Variants in BAIAP3 observed in about 807,000 individuals in gnomAD.
BAIAP3 encodes BAI1 associated protein 3.
BAIAP3 carries 180 observed loss-of-function variants against 149.7 expected under a neutral mutation model. The ratio of observed to expected loss-of-function variants is 1.20; its 90% CI spans 1.07 to 1.36. The LOEUF (loss-of-function observed/expected upper bound fraction) is 1.36. Among genes scored for constraint, BAIAP3 ranks in the 40% most tolerant of loss-of-function variants. The pLI, the probability that BAIAP3 is intolerant of heterozygous loss-of-function variation, is 0.00. For synonymous variants in BAIAP3, 845 were observed against 670.7 expected (o/e 1.26, Z -4.02); for missense variants, 1,767 against 1,563.4 (o/e 1.13, Z -2.20).
In BAIAP3 at chr16:1,346,656, G is replaced by T; in HGVS notation, c.2614G>T (p.Ala872Ser). 1.4e-6 allele frequency: 2 copies of T among 1,394,450 alleles called. No homozygotes were observed. The highest frequency in any genetic ancestry group is 1.9e-6 in the Non-Finnish European group (2 of 1,053,990). 86.4% of individuals were successfully genotyped at this position (1,394,450 alleles called of 1,614,324 possible). The change falls in exon 27 of 34, where the codon GCC becomes TCC. Residue 872 changes from alanine to serine, a missense_variant. Ala to Ser is a moderately conservative substitution (Grantham distance 99). Coordinates refer to ENST00000426824, the MANE Select transcript of BAIAP3 (RefSeq NM_001199097.2). ...GGATGAGAAGCTGGCCCTGCTGAAC[G>T]CCTCGCTGGTGAAGGGGAACCTGAG... ...YLDEKLALLN[A>S]SLVKGNLSRV... is the part of the protein sequence containing the mutation.
intron 1 of BAIAP3, among the ~76,000 whole-genome samples, chr16:1,336,865 C>T (rs543716267): frequency 1.5e-4 from 23 of 152,308 alleles, no homozygotes; most frequent in Middle Eastern, 3.4e-3. Context: ...AGGCACCCTC[C>T]GCAGGTGGAT....
chr16:1,347,986 C>G lies in BAIAP3; in HGVS notation c.3118C>G (p.Leu1040Val). The G allele has an allele frequency of 6.2e-7, 1 of 1,611,210 alleles. No homozygotes were observed. Among genetic ancestry groups the G allele is most frequent in the South Asian group, 1.1e-5 (1 of 91,084 alleles). Residue 1040 changes from leucine to valine, a missense_variant, in exon 32 of 34, where the codon CTG becomes GTG. Leu to Val is a conservative substitution (Grantham distance 32, BLOSUM62 1). Coordinates refer to ENST00000426824, the MANE Select transcript of BAIAP3 (RefSeq NM_001199097.2). ...SQRTQVKTRT[L>V]HPVYDELFYF... ...GAGGACCCAGGTGAAGACCCGGACGCTGCACCCTGTATACGACGAACTCTT... is the reference window on the plus strand; with the variant it reads ...GAGGACCCAGGTGAAGACCCGGACGGTGCACCCTGTATACGACGAACTCTT...
intron 15 of BAIAP3, among the ~76,000 whole-genome samples, chr16:1,343,796 C>T (rs2034102670): frequency 6.6e-6 from 1 of 152,196 alleles, no homozygotes; most frequent in African/African-American, 2.4e-5. Context: ...GCAGGACGGA[C>T]GTGGGAACTG....
At position 1,344,308 on chromosome 16, in the gene BAIAP3, G is replaced by A. The variant is rs147160110; in HGVS notation, c.1593G>A (p.Ala531=). 28 of 1,613,716 alleles carry A rather than the reference G, an allele frequency of 1.7e-5. No individual in the cohort carries two copies. The African/African-American group carries it at 2.0e-4, about 12-fold the overall frequency. The change falls in exon 17 of 34, where the codon GCG becomes GCA. Residue 531 remains alanine (A), a synonymous_variant. Transcript: ENST00000426824. ...FESELNMDIA[A]ALKRGNREWY... Reference sequence around the variant, plus strand: ...CGGAGCTGAACATGGACATTGCTGCGGCCCTGAAGGTGTGTTCCAAAGCCC... The same window carrying A: ...CGGAGCTGAACATGGACATTGCTGCAGCCCTGAAGGTGTGTTCCAAAGCCC...
rs780056386 is a variant in BAIAP3 at position 1,335,284 on chromosome 16, G to T, written c.-11+1535G>T. Among the ~76,000 whole-genome samples, 47 of 152,364 alleles carry T rather than the reference G, an allele frequency of 3.1e-4. 1 individual carries two copies. The highest frequency in any genetic ancestry group is 1.8e-3 in the Admixed American group (27 of 15,302). On this transcript the variant is annotated intron_variant, in intron 1 of 33. Transcript: ENST00000426824. ...TGGGCAGGTGTGGCTCAGCCCCAGT[G>T]CCACAAGGCAGGAGCTCCTTGGCGG...
chr16:1,346,805 G>A, intron 27 of BAIAP3, 42 bp from the exon 28 acceptor site: 2 of 378,200 alleles, frequency 5.3e-6, no homozygotes, highest in Non-Finnish European at 7.9e-6. Context: ...GGGCCAGCGG[G>A]GCAGGTGGGG....
intron 14 of BAIAP3, 154 bp from the exon 15 acceptor site, chr16:1,343,239 C>T (rs2034056558): frequency 1.6e-6 from 2 of 1,246,722 alleles, no homozygotes; most frequent in Non-Finnish European, 1.1e-6. Context: ...GGTACGGCAG[C>T]GCTAATTGGA....
chr16:1,339,185 C>T lies in BAIAP3; in HGVS notation c.241C>T (p.Pro81Ser). The change falls in exon 4 of 34, where the codon CCA becomes TCA. Residue 81 changes from proline to serine, a missense_variant. Coordinates refer to ENST00000426824, the MANE Select transcript of BAIAP3 (RefSeq NM_001199097.2). The stretch of plus-strand genomic sequence containing the variant: ...ACAGGTCCCCCTGCGCAGTGGCTCG[C>T]CAGCACCCCCGGAGCCTGTGGATCC... ...CLEVPLRSGS[P>S]APPEPVDPSL... is the part of the protein sequence containing the mutation. The T allele has an allele frequency of 6.4e-7, 1 of 1,564,714 alleles. No homozygotes were observed. The highest frequency in any genetic ancestry group is 8.6e-7 in the Non-Finnish European group (1 of 1,156,746).
rs185060782 is a variant in BAIAP3, at chr16:1,333,749, G to A, written c.-11G>A. 0.022 allele frequency: 3,393 copies of A among 151,990 alleles called. 44 individuals carry two copies. Among genetic ancestry groups the A allele is most frequent in the Middle Eastern group, 0.045 (13 of 292 alleles). The allele number at this position is 151,990 out of a possible 1,614,324, so 9.4% of individuals were successfully genotyped here. A position where few individuals can be genotyped will look rare whatever the true frequency, so the allele number is the denominator to read the frequency against. On this transcript the variant is annotated splice_region_variant and 5_prime_UTR_variant, in exon 1 of 34. Transcript: ENST00000426824. ...CCCCCCCATCCCCGCGCCGGCCCACGGTAAGTGCCGCGGGCTGCGGCCAGT... is the reference window on the plus strand; with the variant it reads ...CCCCCCCATCCCCGCGCCGGCCCACAGTAAGTGCCGCGGGCTGCGGCCAGT...
At position 1,337,475 on chromosome 16, in the gene BAIAP3, G is replaced by A. The variant is rs528227006; in HGVS notation, c.-10-1065G>A. 4.6e-5 allele frequency among the ~76,000 whole-genome samples: 7 copies of A among 152,336 alleles called. No individual in the cohort carries two copies. The South Asian group carries it at 6.2e-4, about 14-fold the overall frequency. On this transcript the variant is annotated intron_variant, in intron 1 of 33. Transcript: ENST00000426824. ...GGAGGTTGCGGTGAGCGGAGACTGC[G>A]CCACTGCAACTCACTTGAACCTGGA...
At chr16:1,343,255 G>A (rs964250912) in intron 14 of BAIAP3, 138 bp from the exon 15 acceptor site, 11 of 1,341,316 alleles carry the variant, frequency 8.2e-6, no homozygotes, top group Non-Finnish European at 1.0e-5. Context: ...TTGGAGGGCA[G>A]GGAAAGGGGC....
rs375777655 is a variant in BAIAP3 at position 1,344,832 on chromosome 16, C to T, written c.1792C>T (p.Arg598Trp). 2.2e-5 allele frequency: 35 copies of T among 1,613,702 alleles called. No individual in the cohort carries two copies. The highest frequency in any genetic ancestry group is 1.2e-4 in the Admixed American group (7 of 59,996). ...LNVDVFTLTF[R>W]QLERLVAEEA... Reference sequence around the variant, plus strand: ...TGTGGACGTCTTCACCCTGACCTTCCGGCAGCTGGAGCGTCTGGTGAGGAG... The same window carrying T: ...TGTGGACGTCTTCACCCTGACCTTCTGGCAGCTGGAGCGTCTGGTGAGGAG... Residue 598 changes from arginine (R) to tryptophan (W), a missense_variant, in exon 20 of 34, where the codon CGG becomes TGG. Coordinates refer to ENST00000426824, the MANE Select transcript of BAIAP3 (RefSeq NM_001199097.2).
At chr16:1,337,837 A>G (rs575438887) in intron 1 of BAIAP3, among the ~76,000 whole-genome samples, 1 of 152,264 alleles carries the variant, frequency 6.6e-6, no homozygotes, top group Non-Finnish European at 1.5e-5. Flanking sequence ...TGTACCAACT[A>G]TGGGGAGCAG....
In BAIAP3 at chr16:1,340,808, C is replaced by G. The variant is rs1010630893; in HGVS notation, c.409-114C>G. The G allele has an allele frequency of 1.6e-5, 18 of 1,151,162 alleles. No individual in the cohort carries two copies. In the South Asian group the frequency reaches 2.3e-4, roughly 15 times the overall value. 71.3% of individuals were successfully genotyped at this position (1,151,162 alleles called of 1,614,324 possible). A position where few individuals can be genotyped will look rare whatever the true frequency, so the allele number is the denominator to read the frequency against. On this transcript the variant is annotated intron_variant, in intron 5 of 33. Transcript: ENST00000426824. ...CTCCCAGGCTTCCCCCAACCCTGCACCCGTGAGGACTGAGGTTGGGTGTCT... is the reference window on the plus strand; with the variant it reads ...CTCCCAGGCTTCCCCCAACCCTGCAGCCGTGAGGACTGAGGTTGGGTGTCT...
chr16:1,344,394 C>G, intron 17 of BAIAP3, 75 bp from the exon 18 acceptor site: 5 of 1,609,974 alleles, frequency 3.1e-6, no homozygotes, highest in Non-Finnish European at 2.5e-6. Flanking sequence ...CCCTGCACCT[C>G]TGCACCACGG....
chr16:1,336,004 G>T (rs1284047314), intron 1 of BAIAP3, among the ~76,000 whole-genome samples: 2 of 152,214 alleles, frequency 1.3e-5, no homozygotes, highest in Admixed American at 1.3e-4. Context: ...GGAAAATGCA[G>T]GGAGGGTACC....
At chr16:1,343,768 C>T (rs1036336732) in intron 15 of BAIAP3, among the ~76,000 whole-genome samples, 8 of 152,220 alleles carry the variant, frequency 5.3e-5, no homozygotes, top group Non-Finnish European at 1.0e-4. Context: ...ATCTGAGCGA[C>T]AGGAGGGAGC....
chr16:1,341,562 G>T (rs2033929441), intron 8 of BAIAP3, 73 bp downstream of exon 8: 2 of 1,518,790 alleles, frequency 1.3e-6, no homozygotes, highest in Non-Finnish European at 8.9e-7. Context: ...TGCCTGGAGG[G>T]TGGTGGCTCG....
chr16:1,343,015 CTG>C lies in BAIAP3; in HGVS notation c.1265+2_1265+3del, dbSNP rs763826197. On this transcript the variant is annotated splice_donor_variant and coding_sequence_variant, in exon 14 of 34. Transcript: ENST00000426824. LOFTEE classifies it high-confidence loss of function. The stretch of plus-strand genomic sequence containing the variant: ...CCTGTCACCCTTGCAGCTGGCCGTG[CTG>C]TGAGTGGGTGGAGCTACGAGTGGGC... 6 of 1,606,078 alleles carry C rather than the reference CTG, an allele frequency of 3.7e-6. No individual in the cohort carries two copies. The highest frequency in any genetic ancestry group is 3.3e-5 in the South Asian group (3 of 90,902).
Sources: gnomAD v4.1 joint callset for allele counts (sites outside exome capture counted in the v4.1 genomes callset) on GRCh38, gnomAD v4.1.1 for gene constraint, MANE v1.5 for transcripts, NCBI Gene and HGNC (gene_info 2026-07-23, HGNC 2026-07-21) for gene names.